Variants in MAGI2 observed in about 807,000 individuals in gnomAD.
The protein encoded by MAGI2 is membrane-associated guanylate kinase, WW and PDZ domain-containing protein 2.
Under a neutral mutation model 133.3 loss-of-function variants are expected in MAGI2, and 35 were observed. The observed-to-expected ratio is 0.26, with a 90% CI of 0.20 to 0.35. The LOEUF (loss-of-function observed/expected upper bound fraction) is 0.35, where lower values mean the gene tolerates loss of function less well. MAGI2 is among the 10% of genes least tolerant of loss of function. The pLI is 1.00. For missense variants in MAGI2, 1,636 were observed against 1,863.4 expected (o/e 0.88, Z 2.25); for synonymous variants, 729 against 710.6 (o/e 1.03, Z -0.41).
chr7:79,147,512 G>A (rs545523233), intron 1 of MAGI2, among the ~76,000 whole-genome samples: 31 of 152,162 alleles, frequency 2.0e-4, no homozygotes, highest in Non-Finnish European at 3.1e-4. Flanking sequence ...ACTCCAAAGA[G>A]CACCTGCACA....
chr7:79,073,460 G>A (rs149154917), intron 1 of MAGI2, among the ~76,000 whole-genome samples: 3 of 152,166 alleles, frequency 2.0e-5, no homozygotes, highest in South Asian at 4.2e-4. Flanking sequence ...TTTGGATAAC[G>A]AGTTATATAT....
chr7:78,511,285 T>A (rs550956548), intron 4 of MAGI2, among the ~76,000 whole-genome samples: 2 of 152,050 alleles, frequency 1.3e-5, no homozygotes, highest in African/African-American at 4.8e-5. Context: ...TGATTTTTCA[T>A]CGTGGCTGTA....
At chr7:78,945,391 G>GT (rs1331510909) in intron 2 of MAGI2, among the ~76,000 whole-genome samples, 1 of 152,064 alleles carries the variant, frequency 6.6e-6, no homozygotes, top group Non-Finnish European at 1.5e-5. Context: ...AACATTGTAT[G>GT]TTTTTTCTTA....
At chr7:78,412,248 A>G (rs1199351818) in intron 6 of MAGI2, among the ~76,000 whole-genome samples, 1 of 152,092 alleles carries the variant, frequency 6.6e-6, no homozygotes, top group East Asian at 1.9e-4. Flanking sequence ...CACTAGGTGC[A>G]GGAGCTGTAA....
At chr7:78,932,512 A>T (rs957785160) in intron 2 of MAGI2, among the ~76,000 whole-genome samples, 1 of 144,804 alleles carries the variant, frequency 6.9e-6, no homozygotes, top group Non-Finnish European at 1.5e-5. Flanking sequence ...AATGAAAAAT[A>T]AAAAAAAAAA....
At chr7:78,782,664 G>A (rs781259504) in intron 2 of MAGI2, among the ~76,000 whole-genome samples, 75 of 152,052 alleles carry the variant, frequency 4.9e-4, no homozygotes, top group Admixed American at 5.2e-4. Flanking sequence ...CACTGAGAAA[G>A]ACTGTCAGAA....
intron 2 of MAGI2, among the ~76,000 whole-genome samples, chr7:78,637,203 T>G (rs866940362): frequency 6.6e-6 from 1 of 152,226 alleles, no homozygotes; most frequent in Non-Finnish European, 1.5e-5. Flanking sequence ...TTCTGGTGCA[T>G]AGATGAACAG....
chr7:78,527,303 T>C (rs1797063795), intron 3 of MAGI2, among the ~76,000 whole-genome samples: 1 of 152,118 alleles, frequency 6.6e-6, no homozygotes, highest in African/African-American at 2.4e-5. Flanking sequence ...TAACTTTTCA[T>C]GTACTGTACT....
At chr7:78,889,621 C>T (rs1261865375) in intron 2 of MAGI2, among the ~76,000 whole-genome samples, 1 of 152,108 alleles carries the variant, frequency 6.6e-6, no homozygotes, top group African/African-American at 2.4e-5. Flanking sequence ...TCATATCCAG[C>T]CAAAGTAAGC....
chr7:78,114,874 G>A (rs1382762506), intron 20 of MAGI2, among the ~76,000 whole-genome samples: 8 of 152,168 alleles, frequency 5.3e-5, no homozygotes, highest in Non-Finnish European at 1.0e-4. Context: ...TGAATGCGGC[G>A]GGCACACGGG....
At chr7:78,111,997 C>T (rs1224200986) in intron 20 of MAGI2, among the ~76,000 whole-genome samples, 1 of 152,198 alleles carries the variant, frequency 6.6e-6, no homozygotes, top group Non-Finnish European at 1.5e-5. Flanking sequence ...TCTAGACAGG[C>T]TGCTTTATTT....
intron 1 of MAGI2, among the ~76,000 whole-genome samples, chr7:79,071,529 T>C (rs1047745632): frequency 3.9e-5 from 6 of 152,188 alleles, no homozygotes; most frequent in Non-Finnish European, 8.8e-5. Context: ...GATGTGTAAG[T>C]CTGCTGAAGC....
chr7:79,389,082 A>G (rs1844414764), intron 1 of MAGI2, among the ~76,000 whole-genome samples: 1 of 151,962 alleles, frequency 6.6e-6, no homozygotes, highest in Admixed American at 6.6e-5. Flanking sequence ...AGTTGATCTT[A>G]AGATTTCTTG....
At chr7:79,397,955 AT>A (rs1845180800) in intron 1 of MAGI2, among the ~76,000 whole-genome samples, 1 of 152,108 alleles carries the variant, frequency 6.6e-6, no homozygotes, top group Non-Finnish European at 1.5e-5. Flanking sequence ...TCCCTAATAT[AT>A]TTCCTTGTTT....
chr7:79,237,078 C>T (rs955048029), intron 1 of MAGI2, among the ~76,000 whole-genome samples: 6 of 152,140 alleles, frequency 3.9e-5, no homozygotes, highest in African/African-American at 1.4e-4. Flanking sequence ...AGACAGCTCT[C>T]AGTTTGTACC....
intron 10 of MAGI2, among the ~76,000 whole-genome samples, chr7:78,203,175 C>A (rs1054310997): frequency 2.0e-4 from 30 of 152,286 alleles, no homozygotes. Context: ...CCTCTACTTT[C>A]TTTGTGTCAT....
intron 1 of MAGI2, among the ~76,000 whole-genome samples, chr7:79,418,377 T>C (rs1846691274): frequency 6.6e-6 from 1 of 152,108 alleles, no homozygotes; most frequent in Non-Finnish European, 1.5e-5. Flanking sequence ...GGTAGCTCAC[T>C]GAGCAGTTCA....
chr7:78,905,637 G>A (rs190450828), intron 2 of MAGI2, among the ~76,000 whole-genome samples: 38 of 152,286 alleles, frequency 2.5e-4, no homozygotes, highest in Admixed American at 2.3e-3. Flanking sequence ...ATTGTAGAGA[G>A]CAGAGACAGC....
chr7:79,157,456 G>A (rs147010626), intron 1 of MAGI2, among the ~76,000 whole-genome samples: 42 of 151,890 alleles, frequency 2.8e-4, no homozygotes, highest in African/African-American at 8.4e-4. Context: ...GTAAGAGGGT[G>A]GAAATGACTC....
Sources: allele counts gnomAD v4.1 joint callset (sites outside exome capture counted in the v4.1 genomes callset), GRCh38; gene constraint gnomAD v4.1.1; transcripts MANE v1.5; gene names NCBI Gene and HGNC (gene_info 2026-07-23, HGNC 2026-07-21).